The following PLEKHA4 variants were observed in gnomAD, a reference collection of about 807,000 sequenced individuals.
PLEKHA4 encodes the protein pleckstrin homology domain-containing family A member 4.
A neutral mutation model predicts 94.7 loss-of-function variants in PLEKHA4; 73 were observed. The ratio of observed to expected loss-of-function variants is 0.77; its 90% CI spans 0.64 to 0.94. The LOEUF (loss-of-function observed/expected upper bound fraction) is 0.94, where lower values mean the gene tolerates loss of function less well. Ranked by LOEUF, PLEKHA4 falls within the 40% of genes least tolerant of loss-of-function variation. The pLI is 0.00. For missense variants in PLEKHA4, 1,049 were observed against 1,054.1 expected (o/e 1.00, Z 0.07); for synonymous variants, 449 against 437.1 (o/e 1.03, Z -0.34).
intron 5 of PLEKHA4, 73 bp from the exon 6 acceptor site, chr19:48,860,532 C>T: frequency 8.5e-7 from 1 of 1,181,114 alleles, no homozygotes; most frequent in Non-Finnish European, 1.2e-6. Context: ...ACCGGTGACT[C>T]ATTCCAGTAA....
chr19:48,841,130 C>T lies in PLEKHA4; in HGVS notation c.1905+19G>A, dbSNP rs1444277817. ...CCTACTACCACCCCACCGCCCAGCC[C>T]CAGCCCTCCTCCCCTCACCCTTTGC... On this transcript the variant is annotated intron_variant, in intron 17 of 19. Transcript: ENST00000263265. 1 of 1,600,572 alleles carries T rather than the reference C, an allele frequency of 6.2e-7. No homozygotes were observed. Among genetic ancestry groups the T allele is most frequent in the Non-Finnish European group, 8.5e-7 (1 of 1,173,630 alleles).
rs762529557 is a variant in PLEKHA4, at chr19:48,845,580, A to T, written c.1603T>A (p.Ser535Thr). ...GGCCGCCCCCAGTCAGTCTCGGGGG[A>T]CCTAGGGGAGCTCAGTTCCAAGGAC... ...PESLELSSPR[S>T]PETDWGRPPG... Residue 535 changes from serine to threonine, a missense_variant, in exon 15 of 20, where the codon TCC (serine) becomes ACC (threonine). By Grantham distance (58) the Ser-to-Thr change is moderately conservative. Coordinates refer to ENST00000263265, the MANE Select transcript of PLEKHA4 (RefSeq NM_020904.3). The T allele has an allele frequency of 6.2e-7, 1 of 1,606,184 alleles. No homozygotes were observed. The highest frequency in any genetic ancestry group is 1.1e-5 in the South Asian group (1 of 90,746).
intron 13 of PLEKHA4, among the ~76,000 whole-genome samples, chr19:48,849,402 G>A (rs376939514): frequency 1.6e-3 from 250 of 152,016 alleles, no homozygotes; most frequent in African/African-American, 5.6e-3. Context: ...TCCGCCTCCC[G>A]GGTTCAAGCG....
chr19:48,852,260 G>A lies in PLEKHA4; in HGVS notation c.1393C>T (p.Leu465=). 1.2e-6 allele frequency: 2 copies of A among 1,614,098 alleles called. No individual in the cohort carries two copies. The highest frequency in any genetic ancestry group is 1.7e-6 in the Non-Finnish European group (2 of 1,180,030). Reference sequence around the variant, plus strand: ...GAACCAAGGTGCAGCAGGTACTCCAGCGTCTCTCTTAAGGTGCCCAGCTCC... The same window carrying A: ...GAACCAAGGTGCAGCAGGTACTCCAACGTCTCTCTTAAGGTGCCCAGCTCC... ...EQELGTLRET[L]EYLLHLGSPQ... The change falls in exon 13 of 20, where the codon CTG becomes TTG. Residue 465 remains leucine, a synonymous_variant. Transcript: ENST00000263265.
intron 12 of PLEKHA4, 122 bp downstream of exon 12, chr19:48,853,560 A>T: frequency 9.4e-7 from 1 of 1,062,632 alleles, no homozygotes; most frequent in Middle Eastern, 3.4e-4. Flanking sequence ...AAATAATAAA[A>T]TTTGGAGTGT....
chr19:48,852,347 A>T, intron 12 of PLEKHA4, 21 bp from the exon 13 acceptor site: 1 of 1,585,180 alleles, frequency 6.3e-7, no homozygotes, highest in Non-Finnish European at 8.7e-7. Context: ...ATAAAGGGGG[A>T]GACATAGGTT....
intron 3 of PLEKHA4, among the ~76,000 whole-genome samples, chr19:48,863,931 G>A (rs895010008): frequency 2.6e-5 from 4 of 152,188 alleles, no homozygotes; most frequent in South Asian, 2.1e-4. Context: ...CCAGGAAGGT[G>A]TGTTAAAACA....
intron 6 of PLEKHA4, chr19:48,860,066 A>G (rs773615076): frequency 6.9e-5 from 39 of 565,788 alleles, no homozygotes; most frequent in Non-Finnish European, 1.0e-4. Flanking sequence ...GAAGGAGCCA[A>G]TCAGAGAGTG....
intron 16 of PLEKHA4, among the ~76,000 whole-genome samples, chr19:48,841,766 G>A (rs1164436767): frequency 6.6e-6 from 1 of 152,000 alleles, no homozygotes; most frequent in Non-Finnish European, 1.5e-5. Flanking sequence ...ACCAGCCTGG[G>A]CAACATAGCA....
At chr19:48,846,103 C>T (rs2035960338) in intron 14 of PLEKHA4, among the ~76,000 whole-genome samples, 1 of 151,584 alleles carries the variant, frequency 6.6e-6, no homozygotes, top group Non-Finnish European at 1.5e-5. Context: ...GTAGGAGGCT[C>T]ACTTGAGGCC....
chr19:48,864,284 A>C (rs1222228617), intron 3 of PLEKHA4, among the ~76,000 whole-genome samples: 1 of 150,978 alleles, frequency 6.6e-6, no homozygotes, highest in Non-Finnish European at 1.5e-5. Flanking sequence ...TCCTTGTCTC[A>C]GCCTCCCAAG....
chr19:48,849,173 T>C (rs1327258267), intron 13 of PLEKHA4, among the ~76,000 whole-genome samples: 1 of 152,128 alleles, frequency 6.6e-6, no homozygotes, highest in African/African-American at 2.4e-5. Flanking sequence ...CCTAAAGTGC[T>C]GGGATTACAG....
Position 48,838,160 on chromosome 19 carries a change from G to T in PLEKHA4, c.1965-31C>A, listed in dbSNP as rs1189434771. The T allele has an allele frequency of 4.5e-6, 6 of 1,330,520 alleles. No homozygotes were observed. In the Admixed American group the frequency reaches 5.2e-5, roughly 12 times the overall value. The allele number at this position is 1,330,520 out of a possible 1,614,324, so 82.4% of individuals were successfully genotyped here. A position where few individuals can be genotyped will look rare whatever the true frequency, so the allele number is the denominator to read the frequency against. On this transcript the variant is annotated intron_variant, in intron 18 of 19. Transcript: ENST00000263265. ...AAAAAAAAGAAGATTGGGGGTGGGG[G>T]TGTGTACATGGGGGAGAGGTGGGGG...
At chr19:48,841,550 C>A (rs972984896) in intron 16 of PLEKHA4, among the ~76,000 whole-genome samples, 1 of 151,984 alleles carries the variant, frequency 6.6e-6, no homozygotes, top group African/African-American at 2.4e-5. Flanking sequence ...TTGTTTGAAC[C>A]CCAGAGGTGG....
intron 13 of PLEKHA4, among the ~76,000 whole-genome samples, chr19:48,850,630 C>T (rs752529402): frequency 5.3e-5 from 8 of 151,880 alleles, no homozygotes; most frequent in Non-Finnish European, 1.0e-4. Flanking sequence ...CCAGCCGGAC[C>T]AACATGGAGA....
chr19:48,852,451 G>A, intron 12 of PLEKHA4, 125 bp from the exon 13 acceptor site: 1 of 688,274 alleles, frequency 1.5e-6, no homozygotes. Context: ...GCAGGCGTAT[G>A]GACTACAATT....
chr19:48,863,831 C>T (rs1382679103), intron 3 of PLEKHA4, among the ~76,000 whole-genome samples: 3 of 152,264 alleles, frequency 2.0e-5, no homozygotes, highest in Non-Finnish European at 2.9e-5. Flanking sequence ...CTCGACCTCC[C>T]GAAGTGCTGG....
At chr19:48,845,293 A>T in intron 16 of PLEKHA4, 77 bp downstream of exon 16, 1 of 1,395,032 alleles carries the variant, frequency 7.2e-7, no homozygotes, top group Non-Finnish European at 1.0e-6. Context: ...AGAACGCTCT[A>T]CTCCTAGCTG....
At chr19:48,864,316 C>G (rs1249823246) in intron 3 of PLEKHA4, among the ~76,000 whole-genome samples, 1 of 151,862 alleles carries the variant, frequency 6.6e-6, no homozygotes. Flanking sequence ...ACAGGCACCC[C>G]CAAGCTGGCC....
Sources: allele counts gnomAD v4.1 joint callset (sites outside exome capture counted in the v4.1 genomes callset), GRCh38; gene constraint gnomAD v4.1.1; transcripts MANE v1.5; gene names NCBI Gene and HGNC (gene_info 2026-07-23, HGNC 2026-07-21).